Variants in PCDHA10 observed in about 807,000 individuals in gnomAD.
PCDHA10 encodes the protein protocadherin alpha-10.
Under a neutral mutation model 61.2 loss-of-function variants are expected in PCDHA10, and 45 were observed. The ratio of observed to expected loss-of-function variants is 0.74; its 90% CI spans 0.58 to 0.94. PCDHA10 has a LOEUF of 0.94. PCDHA10 is among the 40% of genes least tolerant of loss of function. The pLI, the probability that PCDHA10 is intolerant of heterozygous loss-of-function variation, is 0.00. For synonymous variants in PCDHA10, 602 were observed against 548.8 expected (o/e 1.10, Z -1.35); for missense variants, 1,278 against 1,236.2 (o/e 1.03, Z -0.51).
chr5:140,906,585 C>T (rs782305409), intron 1 of PCDHA10, among the ~76,000 whole-genome samples: 1 of 152,208 alleles, frequency 6.6e-6, no homozygotes, highest in Non-Finnish European at 1.5e-5. Context: ...TTGATGACTA[C>T]CTTCCTCTAC....
chr5:140,857,646 A>G lies in PCDHA10; in HGVS notation c.1598A>G (p.Gln533Arg), dbSNP rs782060988. 27 of 1,596,264 alleles carry G rather than the reference A, an allele frequency of 1.7e-5. 4 individuals carry two copies. The highest frequency in any genetic ancestry group is 2.2e-5 in the Non-Finnish European group (26 of 1,167,636). Reference protein sequence around the residue: ...DHEELELLQFQVSARDGGVPP... With the variant: ...DHEELELLQFRVSARDGGVPP... Reference sequence around the variant, plus strand: ...GAGGAGCTGGAGCTGCTACAGTTCCAGGTGAGCGCGCGCGATGGGGGCGTG... The same window carrying G: ...GAGGAGCTGGAGCTGCTACAGTTCCGGGTGAGCGCGCGCGATGGGGGCGTG... Residue 533 changes from glutamine (Q) to arginine (R), a missense_variant, in exon 1 of 4, where the codon CAG becomes CGG. Gln to Arg is a conservative substitution (Grantham distance 43, BLOSUM62 1). Coordinates refer to ENST00000307360, the MANE Select transcript of PCDHA10 (RefSeq NM_018901.4).
chr5:140,949,639 T>C (rs1563239072), intron 1 of PCDHA10, among the ~76,000 whole-genome samples: 1 of 152,036 alleles, frequency 6.6e-6, no homozygotes, highest in East Asian at 1.9e-4. Flanking sequence ...ATATTGCTTT[T>C]TGTTCATTTT....
intron 1 of PCDHA10, among the ~76,000 whole-genome samples, chr5:140,904,645 T>A (rs1554191647): frequency 6.6e-6 from 1 of 152,128 alleles, no homozygotes; most frequent in Non-Finnish European, 1.5e-5. Context: ...CTCCACACTG[T>A]TTTCCATAGT....
Position 140,928,772 on chromosome 5 carries a change from C to T in PCDHA10, c.2389-50177C>T, listed in dbSNP as rs1554206297. The stretch of plus-strand genomic sequence containing the variant: ...CGTACTGCTCGCTTAGTTCTTCCCA[C>T]TGATGCAGTTAAGCAGAGGGTGGTG... On this transcript the variant is annotated intron_variant, in intron 1 of 3. Coordinates refer to ENST00000307360, the MANE Select transcript of PCDHA10 (RefSeq NM_018901.4). The T allele has an allele frequency of 2.5e-6, 4 of 1,614,054 alleles. No individual in the cohort carries two copies. The East Asian group carries it at 6.7e-5, about 27-fold the overall frequency.
At chr5:140,966,777 C>T (rs1554228636) in intron 1 of PCDHA10, 2 of 1,510,822 alleles carry the variant, frequency 1.3e-6, no homozygotes, top group Non-Finnish European at 1.8e-6. Context: ...ATGGAGCAGG[C>T]GGGCACCAGA....
chr5:140,937,260 A>G (rs1427466170), intron 1 of PCDHA10, among the ~76,000 whole-genome samples: 1 of 151,830 alleles, frequency 6.6e-6, no homozygotes, highest in Non-Finnish European at 1.5e-5. Flanking sequence ...GATGGTCTCG[A>G]TCTCCTGACC....
chr5:140,859,320 G>A (rs1374549537), intron 1 of PCDHA10: 1 of 128,738 alleles, frequency 7.8e-6, no homozygotes, highest in African/African-American at 2.7e-5. Context: ...TTAAAAGTTT[G>A]AGGAGAAAAT....
In PCDHA10 at chr5:140,856,230, G is replaced by C. The variant is rs17844339; in HGVS notation, c.182G>C (p.Arg61Pro). The C allele has an allele frequency of 1.3e-6, 2 of 1,597,950 alleles. No individual in the cohort carries two copies. The highest frequency in any genetic ancestry group is 1.3e-5 in the African/African-American group (1 of 74,370). ...CTGGAGCTGGCGGAGCTGGTGCAGC[G>C]CCTGTTCCGGGTGGCGTCCAAAAGA... ...LGLELAELVQ[R>P]LFRVASKRHG... The change falls in exon 1 of 4, where the codon CGC becomes CCC. Residue 61 changes from arginine to proline, a missense_variant. By Grantham distance (103) the Arg-to-Pro change is moderately radical. Coordinates refer to ENST00000307360, the MANE Select transcript of PCDHA10 (RefSeq NM_018901.4).
intron 1 of PCDHA10, among the ~76,000 whole-genome samples, chr5:140,944,214 G>T (rs72801002): frequency 0.015 from 2,290 of 152,232 alleles, 30 homozygotes; most frequent in Non-Finnish European, 0.021. Context: ...TTTAAAGAGG[G>T]TTTTACTCTG....
intron 1 of PCDHA10, among the ~76,000 whole-genome samples, chr5:140,934,122 TATTA>T (rs2153618298): frequency 6.6e-6 from 1 of 152,300 alleles, no homozygotes; most frequent in East Asian, 1.9e-4. Flanking sequence ...TTTCATACTT[TATTA>T]ATTTATTTCC....
intron 1 of PCDHA10, among the ~76,000 whole-genome samples, chr5:140,934,619 C>G (rs1403192448): frequency 1.3e-5 from 2 of 152,028 alleles, no homozygotes; most frequent in Non-Finnish European, 2.9e-5. Flanking sequence ...GCCTGAGGTA[C>G]AGTTCACACA....
Position 140,858,435 on chromosome 5 carries a change from A to T in PCDHA10, c.2387A>T (p.Lys796Met), listed in dbSNP as rs2045411060. The T allele has an allele frequency of 2.5e-5, 38 of 1,543,330 alleles. 4 individuals are homozygous for T. Among genetic ancestry groups the T allele is most frequent in the Non-Finnish European group, 3.1e-5 (35 of 1,135,660 alleles). The part of the protein sequence containing the change: ...DQSIGGDHSR[K>M]PRQPNPDWRY... ...TCTATTGGAGGGGACCACTCTAGGA[A>T]GGTGGGTTATTACGTTTTCATTTTC... Residue 796 changes from lysine to methionine, a missense_variant and splice_region_variant, in exon 1 of 4, where the codon AAG (lysine) becomes ATG (methionine). Transcript: ENST00000307360.
At chr5:140,995,352 C>T (rs976879377) in intron 3 of PCDHA10, among the ~76,000 whole-genome samples, 2 of 152,006 alleles carry the variant, frequency 1.3e-5, no homozygotes, top group Non-Finnish European at 2.9e-5. Context: ...ATGGATAGGT[C>T]GGACAGAGGG....
chr5:140,879,532 C>T (rs1189647724), intron 1 of PCDHA10, among the ~76,000 whole-genome samples: 1 of 152,146 alleles, frequency 6.6e-6, no homozygotes, highest in Admixed American at 6.5e-5. Context: ...TTGGGAACAA[C>T]TCCTTTAGAG....
chr5:140,989,788 G>GC (rs1331311072), intron 3 of PCDHA10, among the ~76,000 whole-genome samples: 30 of 152,276 alleles, frequency 2.0e-4, no homozygotes, highest in African/African-American at 4.6e-4. Context: ...GAGACTAGAG[G>GC]CCCCCAGGAA....
chr5:140,856,822 A>G lies in PCDHA10; in HGVS notation c.774A>G (p.Thr258=), dbSNP rs1554149161. ...VKMYENQVNQ[T]LVIRLNASDS... is the part of the protein sequence containing the mutation. Reference sequence around the variant, plus strand: ...TGTATGAAAATCAAGTGAACCAAACATTAGTAATACGGCTCAACGCTTCTG... The same window carrying G: ...TGTATGAAAATCAAGTGAACCAAACGTTAGTAATACGGCTCAACGCTTCTG... Residue 258 remains threonine (T), a synonymous_variant, in exon 1 of 4, where the codon ACA becomes ACG. Transcript: ENST00000307360. 4 of 1,593,030 alleles carry G rather than the reference A, an allele frequency of 2.5e-6. No homozygotes were observed. Among genetic ancestry groups the G allele is most frequent in the Non-Finnish European group, 1.7e-6 (2 of 1,163,064 alleles).
intron 1 of PCDHA10, among the ~76,000 whole-genome samples, chr5:140,944,779 T>C (rs1022054674): frequency 6.6e-6 from 1 of 152,228 alleles, no homozygotes; most frequent in African/African-American, 2.4e-5. Flanking sequence ...CCTCCTGTTA[T>C]TGTATTTTAC....
chr5:140,858,425 C>T lies in PCDHA10; in HGVS notation c.2377C>T (p.His793Tyr), dbSNP rs373682195. 1.3e-5 allele frequency: 20 copies of T among 1,552,580 alleles called. 2 individuals are homozygous for T. The highest frequency in any genetic ancestry group is 1.8e-5 in the Non-Finnish European group (20 of 1,140,698). The change falls in exon 1 of 4, where the codon CAC (histidine) becomes TAC (tyrosine). Residue 793 changes from histidine to tyrosine, a missense_variant. Transcript: ENST00000307360. ...DGEDQSIGGDHSRKPRQPNPD... is the reference protein window; with the variant it reads ...DGEDQSIGGDYSRKPRQPNPD... ...GGAAGATCAGTCTATTGGAGGGGAC[C>T]ACTCTAGGAAGGTGGGTTATTACGT...
rs782644238 is a variant in PCDHA10 at position 140,883,107 on chromosome 5, C to A, written c.2388+24671C>A. ...GGTACAAATGGAGATATAGTTTACT[C>A]ATTTAGAAGGCCTGTATGGCCTGCA... On this transcript the variant is annotated intron_variant, in intron 1 of 3. Transcript: ENST00000307360. 15 of 1,614,064 alleles carry A rather than the reference C, an allele frequency of 9.3e-6. No homozygotes were observed. The East Asian group carries it at 3.1e-4, about 34-fold the overall frequency.
Sources: allele counts gnomAD v4.1 joint callset (sites outside exome capture counted in the v4.1 genomes callset), GRCh38; gene constraint gnomAD v4.1.1; transcripts MANE v1.5; gene names NCBI Gene and HGNC (gene_info 2026-07-23, HGNC 2026-07-21).